The following PKP4 variants were observed in gnomAD, a reference collection of about 807,000 sequenced individuals.
PKP4 encodes the protein plakophilin-4.
Under a neutral mutation model 145.1 loss-of-function variants are expected in PKP4, and 90 were observed. The observed-to-expected ratio is 0.62, with a 90% CI of 0.52 to 0.74. The LOEUF (loss-of-function observed/expected upper bound fraction) is 0.74. PKP4 is among the 30% of genes least tolerant of loss of function. The pLI is 0.00. For synonymous variants in PKP4, 563 were observed against 577.2 expected (o/e 0.98, Z 0.35); for missense variants, 1,340 against 1,482.7 (o/e 0.90, Z 1.58).
Position 158,519,605 on chromosome 2 carries a change from C to T in PKP4, c.-5-13575C>T, listed in dbSNP as rs74930582. ...CAATGCTCCATCCTCTAAAGCCAGC[C>T]TTTGCCTCTTTGTGTTATGGTTTCC... On this transcript the variant is annotated intron_variant, in intron 1 of 21. Transcript: ENST00000389759. Among the ~76,000 whole-genome samples the T allele has an allele frequency of 2.8e-3, 420 of 152,310 alleles. 4 individuals carry two copies. Among genetic ancestry groups the T allele is most frequent in the African/African-American group, 9.5e-3 (395 of 41,560 alleles).
At chr2:158,631,181 C>T (rs1472889042) in intron 7 of PKP4, among the ~76,000 whole-genome samples, 2 of 152,036 alleles carry the variant, frequency 1.3e-5, no homozygotes, top group Non-Finnish European at 2.9e-5. Context: ...ACCTCGTGAT[C>T]CACCCTCCTC....
rs529684589 is a variant in PKP4, at chr2:158,663,322, T to G, written c.2454T>G (p.Val818=). The G allele has an allele frequency of 1.2e-6, 2 of 1,614,104 alleles. No homozygotes were observed. The highest frequency in any genetic ancestry group is 1.7e-5 in the Admixed American group (1 of 60,028). The part of the protein sequence containing the change: ...IPGLSKSPKG[V]EMLWHPSVVK... Reference sequence around the variant, plus strand: ...GACTGTCGAAGTCCCCCAAAGGGGTTGAGATGCTGTGGCACCCATCGGTGG... The same window carrying G: ...GACTGTCGAAGTCCCCCAAAGGGGTGGAGATGCTGTGGCACCCATCGGTGG... Residue 818 remains valine (V), a synonymous_variant, in exon 15 of 22, where the codon GTT becomes GTG. Coordinates refer to ENST00000389759, the MANE Select transcript of PKP4 (RefSeq NM_003628.6).
At chr2:158,465,054 T>C (rs1477559543) in intron 1 of PKP4, among the ~76,000 whole-genome samples, 2 of 152,250 alleles carry the variant, frequency 1.3e-5, no homozygotes, top group Non-Finnish European at 2.9e-5. Flanking sequence ...CCAGGGATAC[T>C]TACTGTCTGT....
chr2:158,552,482 G>A (rs1415659210), intron 2 of PKP4, among the ~76,000 whole-genome samples: 1 of 152,124 alleles, frequency 6.6e-6, no homozygotes, highest in Non-Finnish European at 1.5e-5. Context: ...GGTAGAGTCT[G>A]GAATAATTTT....
chr2:158,636,193 T>C (rs1318979227), intron 9 of PKP4, among the ~76,000 whole-genome samples: 1 of 152,146 alleles, frequency 6.6e-6, no homozygotes, highest in Non-Finnish European at 1.5e-5. Flanking sequence ...TCCTTTAGCC[T>C]TTCTTGTCTT....
chr2:158,496,179 C>G (rs1158278611), intron 1 of PKP4, among the ~76,000 whole-genome samples: 1 of 151,786 alleles, frequency 6.6e-6, no homozygotes, highest in African/African-American at 2.4e-5. Flanking sequence ...ACAGGTTTCG[C>G]CATGTTGGTC....
At chr2:158,614,977 TA>T (rs2105878740) in intron 4 of PKP4, among the ~76,000 whole-genome samples, 1 of 151,774 alleles carries the variant, frequency 6.6e-6, no homozygotes, top group East Asian at 1.9e-4. Context: ...ATGACAAAGT[TA>T]GTCTGCATGT....
At chr2:158,648,952 C>T (rs1195332747) in intron 11 of PKP4, among the ~76,000 whole-genome samples, 2 of 152,304 alleles carry the variant, frequency 1.3e-5, no homozygotes, top group South Asian at 2.1e-4. Flanking sequence ...GAGTCGACAT[C>T]GCGCCACTGC....
At chr2:158,639,655 T>C (rs1012772493) in intron 9 of PKP4, among the ~76,000 whole-genome samples, 1 of 152,124 alleles carries the variant, frequency 6.6e-6, no homozygotes, top group Non-Finnish European at 1.5e-5. Flanking sequence ...TTAACAAGAA[T>C]TCCAAACAGT....
intron 17 of PKP4, among the ~76,000 whole-genome samples, chr2:158,672,799 G>C (rs764487858): frequency 4.9e-4 from 74 of 152,074 alleles, no homozygotes; most frequent in Non-Finnish European, 9.3e-4. Context: ...CTCACCACCT[G>C]CTCCCCTCCC....
intron 2 of PKP4, among the ~76,000 whole-genome samples, chr2:158,571,171 C>A (rs1226459348): frequency 6.6e-6 from 1 of 152,130 alleles, no homozygotes; most frequent in Non-Finnish European, 1.5e-5. Flanking sequence ...TGCAGCTACT[C>A]CTGAATTAGC....
intron 1 of PKP4, among the ~76,000 whole-genome samples, chr2:158,477,790 C>T (rs922011385): frequency 2.0e-5 from 3 of 152,132 alleles, no homozygotes; most frequent in Non-Finnish European, 4.4e-5. Context: ...GGCTGCAGTA[C>T]ACTGTGATCC....
intron 9 of PKP4, among the ~76,000 whole-genome samples, chr2:158,635,741 T>C (rs2053756724): frequency 6.6e-6 from 1 of 152,158 alleles, no homozygotes; most frequent in African/African-American, 2.4e-5. Context: ...CTGATGGCTG[T>C]CTTTGATTAT....
intron 2 of PKP4, among the ~76,000 whole-genome samples, chr2:158,551,560 C>G (rs181320307): frequency 6.6e-6 from 1 of 152,260 alleles, no homozygotes; most frequent in East Asian, 1.9e-4. Flanking sequence ...TTTACTCTAA[C>G]TCCTAAGGGA....
intron 2 of PKP4, among the ~76,000 whole-genome samples, chr2:158,573,847 A>G (rs1331078855): frequency 6.6e-6 from 1 of 152,128 alleles, no homozygotes; most frequent in Non-Finnish European, 1.5e-5. Flanking sequence ...CCTGGTCTTT[A>G]TTTTCTTATC....
At chr2:158,583,557 T>C (rs2048521005) in intron 3 of PKP4, among the ~76,000 whole-genome samples, 1 of 152,194 alleles carries the variant, frequency 6.6e-6, no homozygotes. Context: ...ACCGTAAAAT[T>C]CAACCCTTTG....
chr2:158,581,606 A>G (rs926672239), intron 3 of PKP4, among the ~76,000 whole-genome samples: 8 of 152,204 alleles, frequency 5.3e-5, no homozygotes, highest in African/African-American at 1.9e-4. Context: ...AAACTGTGGA[A>G]TCCTCTTCCC....
intron 11 of PKP4, among the ~76,000 whole-genome samples, chr2:158,656,980 T>C (rs79782100): frequency 6.6e-6 from 1 of 152,138 alleles, no homozygotes; most frequent in Non-Finnish European, 1.5e-5. Flanking sequence ...TGATCAGTCA[T>C]GTTCACAAGC....
chr2:158,495,960 A>G lies in PKP4; in HGVS notation c.-5-37220A>G, dbSNP rs560063743. On this transcript the variant is annotated intron_variant, in intron 1 of 21. Coordinates refer to ENST00000389759, the MANE Select transcript of PKP4 (RefSeq NM_003628.6). ...TTTTAACATATATTTTCTTTTTTGTATACATTTTTACTTGAAAATATTTTA... is the reference window on the plus strand; with the variant it reads ...TTTTAACATATATTTTCTTTTTTGTGTACATTTTTACTTGAAAATATTTTA... Among the ~76,000 whole-genome samples the G allele has an allele frequency of 3.9e-5, 6 of 152,016 alleles. No individual in the cohort carries two copies. In the South Asian group the frequency reaches 1.0e-3, roughly 26 times the overall value.
Sources: allele counts gnomAD v4.1 joint callset (sites outside exome capture counted in the v4.1 genomes callset), GRCh38; gene constraint gnomAD v4.1.1; transcripts MANE v1.5; gene names NCBI Gene and HGNC (gene_info 2026-07-23, HGNC 2026-07-21).